The following NHS variants were observed in gnomAD, a reference collection of about 807,000 sequenced individuals.
NHS encodes actin remodeling regulator NHS.
Under a neutral mutation model 72.5 loss-of-function variants are expected in NHS, and 5 were observed. The observed-to-expected ratio is 0.07, with a 90% confidence interval of 0.04 to 0.14. The LOEUF (loss-of-function observed/expected upper bound fraction) is 0.14. Among genes scored for constraint, NHS ranks in the 10% least tolerant of loss-of-function variants. The probability of loss-of-function intolerance (pLI) is 1.00; values close to 1 mark genes in which losing one functional copy is unlikely to be tolerated. For synonymous variants in NHS, 464 were observed against 547.7 expected (o/e 0.85, Z 2.13); for missense variants, 1,072 against 1,355.7 (o/e 0.79, Z 3.29).
At chrX:17,431,571 T>TG (rs1393723068) in intron 1 of NHS, among the ~76,000 whole-genome samples, 1 of 111,461 alleles carries the variant, frequency 9.0e-6, no homozygotes. Context: ...GTAAGATGCT[T>TG]GGTGGACTCC....
At chrX:17,574,210 C>T (rs2065497564) in intron 1 of NHS, among the ~76,000 whole-genome samples, 1 of 112,315 alleles carries the variant, frequency 8.9e-6, no homozygotes, top group South Asian at 3.7e-4. Context: ...CTGCTCTCTT[C>T]AGAGCTGTCA....
rs186717746 is a variant in NHS at position 17,582,480 on chromosome X, C to G, written c.566-105262C>G. Among the ~76,000 whole-genome samples, 50 of 112,028 alleles carry G rather than the reference C, an allele frequency of 4.5e-4. 1 individual carries two copies. The highest frequency in any genetic ancestry group is 1.7e-3 in the East Asian group (6 of 3,570). ...CATACCTAGAAGTGAGAGGGGTTGT[C>G]CAGTTAGGAGGTGGATGAGGGAATG... On this transcript the variant is annotated intron_variant, in intron 1 of 8. Transcript: ENST00000676302.
At chrX:17,572,313 A>G (rs1453157291) in intron 1 of NHS, among the ~76,000 whole-genome samples, 1 of 109,922 alleles carries the variant, frequency 9.1e-6, no homozygotes, top group East Asian at 2.8e-4. Context: ...GTCTCTTTGT[A>G]GATCTCTAAG....
At chrX:17,589,373 C>T (rs1268459408) in intron 1 of NHS, among the ~76,000 whole-genome samples, 1 of 111,531 alleles carries the variant, frequency 9.0e-6, no homozygotes, top group Non-Finnish European at 1.9e-5. Context: ...GCCTTTGCAT[C>T]CTCATAGCTT....
chrX:17,660,407 A>G lies in NHS; in HGVS notation c.566-27335A>G, dbSNP rs1005240406. ...AATTGCTTTTTGTGGTTGTTTATCT[A>G]TTGTTGCAGGAGAAACCACCCCCAA... is the stretch of plus-strand genomic sequence containing the variant. On this transcript the variant is annotated intron_variant, in intron 1 of 8. Coordinates refer to ENST00000676302, the MANE Select transcript of NHS (RefSeq NM_001291867.2). Among the ~76,000 whole-genome samples the G allele has an allele frequency of 3.6e-5, 4 of 112,488 alleles. 1 individual carries two copies.
intron 1 of NHS, among the ~76,000 whole-genome samples, chrX:17,660,135 G>A (rs1443049919): frequency 8.9e-6 from 1 of 112,174 alleles, no homozygotes; most frequent in Non-Finnish European, 1.9e-5. Context: ...ACAGGATTGA[G>A]CTACTCAGCT....
At chrX:17,731,721 C>A (rs1029615753) in intron 8 of NHS, 137 bp from the exon 9 acceptor site, 1 of 793,815 alleles carries the variant, frequency 1.3e-6, no homozygotes. Flanking sequence ...CTCTATAGCC[C>A]TAATGCTTAG....
chrX:17,583,982 T>C (rs959531637), intron 1 of NHS, among the ~76,000 whole-genome samples: 2 of 111,953 alleles, frequency 1.8e-5, no homozygotes, highest in African/African-American at 6.5e-5. Context: ...CTGTCTCTTT[T>C]TCCTGCTCTG....
intron 1 of NHS, among the ~76,000 whole-genome samples, chrX:17,514,716 C>T (rs1323535623): frequency 8.9e-6 from 1 of 112,007 alleles, no homozygotes; most frequent in East Asian, 2.8e-4. Flanking sequence ...TGCTAAACTT[C>T]CTATAAGTGC....
intron 1 of NHS, among the ~76,000 whole-genome samples, chrX:17,579,864 G>A (rs1173341901): frequency 9.0e-6 from 1 of 111,154 alleles, no homozygotes; most frequent in African/African-American, 3.3e-5. Flanking sequence ...CCAAAGTTGG[G>A]TGAGGGGGAT....
At chrX:17,554,312 A>G (rs185746756) in intron 1 of NHS, among the ~76,000 whole-genome samples, 22 of 112,122 alleles carry the variant, frequency 2.0e-4, no homozygotes, top group Admixed American at 3.7e-4. Flanking sequence ...CCTCATTGCA[A>G]GCTTCTGTGA....
Position 17,727,798 on chromosome X carries a change from C to A in NHS, c.3692C>A (p.Pro1231Gln). 17 of 1,211,665 alleles carry A rather than the reference C, an allele frequency of 1.4e-5. No individual in the cohort carries two copies. The highest frequency in any genetic ancestry group is 1.9e-5 in the Non-Finnish European group (17 of 895,467). Reference sequence around the variant, plus strand: ...TTTGATGTGAAGAATCGCTGCGATCCAGAAACCATAACATCAGCTGGTAGC... The same window carrying A: ...TTTGATGTGAAGAATCGCTGCGATCAAGAAACCATAACATCAGCTGGTAGC... ...STFDVKNRCD[P>Q]ETITSAGSSL... Residue 1231 changes from proline (P) to glutamine (Q), a missense_variant, in exon 7 of 9, where the codon CCA (proline) becomes CAA (glutamine). Physicochemically the swap from Pro to Gln is moderately conservative, Grantham distance 76 (BLOSUM62 -1). Transcript: ENST00000676302.
chrX:17,662,769 C>T (rs1056026729), intron 1 of NHS, among the ~76,000 whole-genome samples: 3 of 111,888 alleles, frequency 2.7e-5, no homozygotes, highest in African/African-American at 9.8e-5. Context: ...GGTGATTCAT[C>T]AGATGTCTTT....
At chrX:17,587,532 A>G (rs1467483508) in intron 1 of NHS, among the ~76,000 whole-genome samples, 1 of 112,351 alleles carries the variant, frequency 8.9e-6, no homozygotes, top group African/African-American at 3.2e-5. Context: ...CCAGCCTCCT[A>G]GAAAACCTTT....
chrX:17,468,245 A>T (rs1334727385), intron 1 of NHS, among the ~76,000 whole-genome samples: 1 of 111,397 alleles, frequency 9.0e-6, no homozygotes, highest in Non-Finnish European at 1.9e-5. Context: ...CATCTAAAAT[A>T]AAAAAAGAAA....
rs1197476888 is a variant in NHS at position 17,725,817 on chromosome X, A to G, written c.1711A>G (p.Ser571Gly). 1 of 1,209,626 alleles carries G rather than the reference A, an allele frequency of 8.3e-7. No individual in the cohort carries two copies. The highest frequency in any genetic ancestry group is 1.8e-5 in the African/African-American group (1 of 56,966). ...LGLACSQHLH[S>G]PQHKLSERGR... ...CCTGGCCTGCTCTCAACATCTTCAC[A>G]GCCCCCAGCACAAATTAAGTGAGAG... Residue 571 changes from serine (S) to glycine (G), a missense_variant, in exon 7 of 9, where the codon AGC becomes GGC. Physicochemically the swap from Ser to Gly is moderately conservative, Grantham distance 56. Transcript: ENST00000676302.
At chrX:17,471,018 T>A (rs2064890440) in intron 1 of NHS, among the ~76,000 whole-genome samples, 1 of 111,867 alleles carries the variant, frequency 8.9e-6, no homozygotes, top group South Asian at 3.8e-4. Context: ...GTGTTAAAAT[T>A]TAGATACTTT....
intron 1 of NHS, among the ~76,000 whole-genome samples, chrX:17,564,071 C>T (rs1451366157): frequency 9.0e-6 from 1 of 111,695 alleles, no homozygotes; most frequent in Non-Finnish European, 1.9e-5. Context: ...TTTAAATAGT[C>T]AGAAAACTTA....
chrX:17,484,449 ATCC>A (rs1056348991), intron 1 of NHS, among the ~76,000 whole-genome samples: 3 of 111,924 alleles, frequency 2.7e-5, no homozygotes, highest in Non-Finnish European at 5.6e-5. Context: ...TTACTCACAG[ATCC>A]TCCCAAGAGG....
Sources: gnomAD v4.1 joint callset for allele counts (sites outside exome capture counted in the v4.1 genomes callset) on GRCh38, gnomAD v4.1.1 for gene constraint, MANE v1.5 for transcripts, NCBI Gene and HGNC (gene_info 2026-07-23, HGNC 2026-07-21) for gene names.